NDUFS7: variants seen among roughly 807,000 people sequenced by gnomAD.
NDUFS7 encodes the protein NADH:ubiquinone oxidoreductase core subunit S7.
Under a neutral mutation model 31.1 loss-of-function variants are expected in NDUFS7, and 11 were observed. The ratio of observed to expected loss-of-function variants is 0.35; its 90% confidence interval spans 0.22 to 0.59. The LOEUF (loss-of-function observed/expected upper bound fraction) is 0.59. Ranked by LOEUF, NDUFS7 falls within the 20% of genes least tolerant of loss-of-function variation. NDUFS7 has a pLI of 0.79. For missense variants in NDUFS7, 263 were observed against 324.2 expected, an observed-to-expected ratio of 0.81 and a Z score of 1.45; for synonymous variants, 136 against 127.9, an observed-to-expected ratio of 1.06 and a Z score of -0.43.
chr19:1,395,451 A>C lies in NDUFS7; in HGVS notation c.605A>C (p.Lys202Thr). ...YGILQLQRKIKRERRLQIWYR... is the reference protein window; with the variant it reads ...YGILQLQRKITRERRLQIWYR... ...ATCCTGCAGCTGCAGAGGAAGATCA[A>C]GCGGGAGCGGAGGCTGCAGATCTGG... Residue 202 changes from lysine (K) to threonine (T), a missense_variant, in exon 8 of 8, where the codon AAG becomes ACG. By Grantham distance (78) the Lys-to-Thr change is moderately conservative (BLOSUM62 -1). Coordinates refer to ENST00000233627, the MANE Select transcript of NDUFS7 (RefSeq NM_024407.5). The C allele has an allele frequency of 1.3e-6, 2 of 1,599,156 alleles. No homozygotes were observed. Among genetic ancestry groups the C allele is most frequent in the Non-Finnish European group, 1.7e-6 (2 of 1,174,838 alleles).
rs933892387 is a variant in NDUFS7 at position 1,389,700 on chromosome 19, A to G, written c.228+762A>G. 11 of 358,032 alleles carry G rather than the reference A, an allele frequency of 3.1e-5. No individual in the cohort carries two copies. In the East Asian group the frequency reaches 8.2e-4, roughly 27 times the overall value. The allele number at this position is 358,032 out of a possible 1,614,324, so 22.2% of individuals were successfully genotyped here. A position where few individuals can be genotyped will look rare whatever the true frequency, so the allele number is the denominator to read the frequency against. On this transcript the variant is annotated intron_variant, in intron 4 of 7. Coordinates refer to ENST00000233627, the MANE Select transcript of NDUFS7 (RefSeq NM_024407.5). ...CACGCAGCCCCTGCCATCCCCCTGC[A>G]GCGTGAGCACGTGCAGCTCCCTCCA... is the stretch of plus-strand genomic sequence containing the variant.
At chr19:1,387,352 C>T (rs537531281) in intron 1 of NDUFS7, among the ~76,000 whole-genome samples, 2 of 152,236 alleles carry the variant, frequency 1.3e-5, no homozygotes, top group Non-Finnish European at 2.9e-5. Context: ...AACCGGGTGC[C>T]GGCAACCGGA....
Position 1,393,546 on chromosome 19 carries a change from G to A in NDUFS7, c.544+216G>A. The A allele has an allele frequency of 3.0e-6, 2 of 663,260 alleles. No individual in the cohort carries two copies. The highest frequency in any genetic ancestry group is 5.5e-6 in the Non-Finnish European group (2 of 362,292). The allele number at this position is 663,260 out of a possible 1,614,324, so 41.1% of individuals were successfully genotyped here. On this transcript the variant is annotated intron_variant, in intron 7 of 7. Coordinates refer to ENST00000233627, the MANE Select transcript of NDUFS7 (RefSeq NM_024407.5). The surrounding 1 kb of genome is among the most constrained non-coding windows in gnomAD (Gnocchi z 7.3). ...GGCATCAGAGGGATCAGAGGGAGCA[G>A]GGGAAGCTGAGTGGAATTCCTGACA...
At chr19:1,389,060 C>A (rs1454924791) in intron 4 of NDUFS7, 122 bp downstream of exon 4, 1 of 841,220 alleles carries the variant, frequency 1.2e-6, no homozygotes, top group Admixed American at 2.0e-5. Context: ...TGCACACTCA[C>A]ATGCGCACAT....
chr19:1,393,178 C>T lies in NDUFS7; in HGVS notation c.456-64C>T. The T allele has an allele frequency of 4.3e-6, 6 of 1,383,924 alleles. No individual in the cohort carries two copies. The highest frequency in any genetic ancestry group is 1.4e-5 in the African/African-American group (1 of 69,714). The allele number at this position is 1,383,924 out of a possible 1,614,324, so 85.7% of individuals were successfully genotyped here. ...AAGGCGGGTGGGGATGGGGCGAGGC[C>T]TCGTGGAGGGAGGGTGGGCAGGCGG... On this transcript the variant is annotated intron_variant, in intron 6 of 7. Transcript: ENST00000233627. The surrounding 1 kb of genome is among the most constrained non-coding windows in gnomAD (Gnocchi z 7.3).
chr19:1,395,525 T>A lies in NDUFS7; in HGVS notation c.*37T>A, dbSNP rs773866471. The stretch of plus-strand genomic sequence containing the variant: ...CCGCCGCCGGAGCCTGTCGCCGTCC[T>A]GTCCCCAGCCTGCTTGTGTCCCGTG... On this transcript the variant is annotated 3_prime_UTR_variant, in exon 8 of 8. Coordinates refer to ENST00000233627, the MANE Select transcript of NDUFS7 (RefSeq NM_024407.5). 7.7e-6 allele frequency: 12 copies of A among 1,552,866 alleles called. No homozygotes were observed. The highest frequency in any genetic ancestry group is 5.2e-6 in the Non-Finnish European group (6 of 1,148,212).
chr19:1,385,711 C>T (rs1005699150), intron 1 of NDUFS7, among the ~76,000 whole-genome samples: 10 of 151,390 alleles, frequency 6.6e-5, no homozygotes, highest in African/African-American at 2.4e-4. Context: ...CCCAGCTACT[C>T]GGGAGGCTGA....
At position 1,393,614 on chromosome 19, in the gene NDUFS7, A is replaced by G; in HGVS notation, c.544+284A>G. On this transcript the variant is annotated intron_variant, in intron 7 of 7. Transcript: ENST00000233627. The surrounding 1 kb of genome is among the most constrained non-coding windows in gnomAD (Gnocchi z 7.3). The stretch of plus-strand genomic sequence containing the variant: ...AGTTTCATATGGTCCTACCTGGCAC[A>G]AACCAAAGACCTGCAGTTAGAAATA... 1 of 605,694 alleles carries G rather than the reference A, an allele frequency of 1.7e-6. No homozygotes were observed. The highest frequency in any genetic ancestry group is 1.9e-5 in the South Asian group (1 of 51,854). 37.5% of individuals were successfully genotyped at this position (605,694 alleles called of 1,614,324 possible).
chr19:1,391,093 G>A, intron 5 of NDUFS7, 26 bp from the exon 6 acceptor site: 1 of 1,610,610 alleles, frequency 6.2e-7, no homozygotes, highest in Non-Finnish European at 8.5e-7. Flanking sequence ...AGAGTGAGCT[G>A]CGCACGGACC....
chr19:1,390,586 CCT>C (rs1356915772), intron 4 of NDUFS7: 7 of 558,546 alleles, frequency 1.3e-5, no homozygotes, highest in Admixed American at 3.1e-5. Context: ...GCTGGAGCCC[CCT>C]GTTGAAATGG....
chr19:1,394,959 G>A (rs903759418), intron 7 of NDUFS7: 11 of 1,115,576 alleles, frequency 9.9e-6, no homozygotes, highest in Admixed American at 4.7e-5. Context: ...CTCGTGGGAT[G>A]CCCGGGCTCT....
rs747771299 is a variant in NDUFS7 at position 1,391,179 on chromosome 19, G to A, written c.455+14G>A. 3.1e-5 allele frequency: 50 copies of A among 1,607,376 alleles called. 1 individual carries two copies. Among genetic ancestry groups the A allele is most frequent in the South Asian group, 4.4e-5 (4 of 90,646 alleles). ...CTCCATGGGGAGGTGAGTGCAGGGCGGGGGGTCTCCAGGGACAGACGTAGC... is the reference window on the plus strand; with the variant it reads ...CTCCATGGGGAGGTGAGTGCAGGGCAGGGGGTCTCCAGGGACAGACGTAGC... On this transcript the variant is annotated intron_variant, in intron 6 of 7. Coordinates refer to ENST00000233627, the MANE Select transcript of NDUFS7 (RefSeq NM_024407.5).
At chr19:1,386,879 G>T (rs2082510693) in intron 1 of NDUFS7, 1 of 152,276 alleles carries the variant, frequency 6.6e-6, no homozygotes, top group Admixed American at 6.5e-5. Context: ...TGCAGGTCGG[G>T]TGGAGGGTCA....
At position 1,394,587 on chromosome 19, in the gene NDUFS7, T is replaced by C. The variant is rs568511121; in HGVS notation, c.545-804T>C. ...GCTCCTCCCTCCCTGCGGACCGCGC[T>C]CGGCCCTCCCTGGGGACCGCGCCCC... On this transcript the variant is annotated intron_variant, in intron 7 of 7. Coordinates refer to ENST00000233627, the MANE Select transcript of NDUFS7 (RefSeq NM_024407.5). The C allele has an allele frequency of 3.0e-4, 358 of 1,207,806 alleles. 1 individual carries two copies. The South Asian group carries it at 3.2e-3, about 11-fold the overall frequency. 74.8% of individuals were successfully genotyped at this position (1,207,806 alleles called of 1,614,324 possible). A position where few individuals can be genotyped will look rare whatever the true frequency, so the allele number is the denominator to read the frequency against.
rs11551664 is a variant in NDUFS7, at chr19:1,390,985, C to T, written c.343C>T (p.Arg115Cys). The change falls in exon 5 of 8, where the codon CGC (arginine) becomes TGC (cysteine). Residue 115 changes from arginine (R) to cysteine (C), a missense_variant. Coordinates refer to ENST00000233627, the MANE Select transcript of NDUFS7 (RefSeq NM_024407.5). Reference sequence around the variant, plus strand: ...TGGCGTGGTCTTCCGCGCCAGCCCGCGCCAGTCCGACGTCATGATCGTGGC... The same window carrying T: ...TGGCGTGGTCTTCCGCGCCAGCCCGTGCCAGTCCGACGTCATGATCGTGGC... ...RFGVVFRASP[R>C]QSDVMIVAGT... The T allele has an allele frequency of 6.2e-6, 10 of 1,613,074 alleles. No individual in the cohort carries two copies. Among genetic ancestry groups the T allele is most frequent in the Middle Eastern group, 3.3e-4 (2 of 6,084 alleles).
At chr19:1,385,854 A>G (rs1262172295) in intron 1 of NDUFS7, among the ~76,000 whole-genome samples, 1 of 152,168 alleles carries the variant, frequency 6.6e-6, no homozygotes, top group African/African-American at 2.4e-5. Context: ...ACCCTGACCC[A>G]GAGGCACAGA....
chr19:1,388,918 C>T lies in NDUFS7; in HGVS notation c.208C>T (p.Leu70Phe). 1 of 1,609,032 alleles carries T rather than the reference C, an allele frequency of 6.2e-7. No homozygotes were observed. Residue 70 changes from leucine (L) to phenylalanine (F), a missense_variant, in exon 4 of 8, where the codon CTC becomes TTC. Transcript: ENST00000233627. ...GEYVVAKLDD[L>F]VNWARRSSLW... ...GTATGTGGTGGCCAAGCTGGATGACCTCGTCAACTGGGCCCGCCGGGTGAG... is the reference window on the plus strand; with the variant it reads ...GTATGTGGTGGCCAAGCTGGATGACTTCGTCAACTGGGCCCGCCGGGTGAG...
chr19:1,395,584 C>T lies in NDUFS7; in HGVS notation c.*96C>T. On this transcript the variant is annotated 3_prime_UTR_variant, in exon 8 of 8. Coordinates refer to ENST00000233627, the MANE Select transcript of NDUFS7 (RefSeq NM_024407.5). ...AATAAACCTGCCCTCGGGCTGCCGC[C>T]TCCCAGTGTGGTGTGTGGGTGAAAG... is the stretch of plus-strand genomic sequence containing the variant. The T allele has an allele frequency of 7.1e-7, 1 of 1,405,408 alleles. No individual in the cohort carries two copies. Among genetic ancestry groups the T allele is most frequent in the South Asian group, 1.2e-5 (1 of 81,136 alleles). The allele number at this position is 1,405,408 out of a possible 1,614,324, so 87.1% of individuals were successfully genotyped here.
intron 1 of NDUFS7, among the ~76,000 whole-genome samples, chr19:1,384,369 G>C (rs1280141824): frequency 6.6e-6 from 1 of 152,188 alleles, no homozygotes; most frequent in Non-Finnish European, 1.5e-5. Flanking sequence ...CAGGACCCAG[G>C]ACATCCACGC....
Sources: gnomAD v4.1 joint callset for allele counts (sites outside exome capture counted in the v4.1 genomes callset) on GRCh38, gnomAD v4.1.1 for gene constraint, Gnocchi (gnomAD v3.1) non-coding constraint, MANE v1.5 for transcripts, NCBI Gene and HGNC (gene_info 2026-07-23, HGNC 2026-07-21) for gene names.